SLC25A53: variants seen among roughly 807,000 people sequenced by gnomAD.
SLC25A53 encodes the protein solute carrier family 25 member 53.
Under a neutral mutation model 15.0 loss-of-function variants are expected in SLC25A53, and 5 were observed. The observed-to-expected ratio is 0.33, with a 90% confidence interval of 0.17 to 0.70. SLC25A53 has a LOEUF of 0.70. Ranked by LOEUF, SLC25A53 falls within the 30% of genes least tolerant of loss-of-function variation. The pLI is 0.67. For synonymous variants in SLC25A53, 95 were observed against 100.0 expected, an observed-to-expected ratio of 0.95 and a Z score of 0.30; for missense variants, 216 against 241.6, an observed-to-expected ratio of 0.89 and a Z score of 0.70.
intron 1 of SLC25A53, among the ~76,000 whole-genome samples, chrX:104,139,293 G>A (rs2075444805): frequency 8.9e-6 from 1 of 112,014 alleles, no homozygotes; most frequent in Non-Finnish European, 1.9e-5. Flanking sequence ...TGAGCCCAGT[G>A]AATCACTTGA....
chrX:104,127,918 C>G (rs1022221013), intron 1 of SLC25A53, among the ~76,000 whole-genome samples: 8 of 110,791 alleles, frequency 7.2e-5, no homozygotes, highest in African/African-American at 2.6e-4. Flanking sequence ...GAGCTGAGAT[C>G]ACGCCACTGC....
In SLC25A53 at chrX:104,121,876, TATATA is replaced by T. The variant is rs1454515564; in HGVS notation, c.-31-16593_-31-16589del. Among the ~76,000 whole-genome samples, 212 of 49,759 alleles carry T rather than the reference TATATA, an allele frequency of 4.3e-3. 66 individuals are homozygous for T. Among genetic ancestry groups the T allele is most frequent in the Admixed American group, 4.7e-3 (17 of 3,595 alleles). The allele number at this position is 49,759 out of a possible 115,157, so 43.2% of individuals were successfully genotyped here. A position where few individuals can be genotyped will look rare whatever the true frequency, so the allele number is the denominator to read the frequency against. ...CTAGACATCACATCAAATGGTATGA[TATATA>T]TATATATATATATATATATATATAT... is the stretch of plus-strand genomic sequence containing the variant. On this transcript the variant is annotated intron_variant, in intron 1 of 1. Coordinates refer to ENST00000594199, the MANE Select transcript of SLC25A53 (RefSeq NM_001012755.5).
rs782174950 is a variant in SLC25A53, at chrX:104,114,387, C to T, written c.-31-9099G>A. ...AGCGCTTGATGAAAACACTTAGGGG[C>T]CCTGCCCGGGAGGTCATGCGTTTGC... On this transcript the variant is annotated intron_variant, in intron 1 of 1. Transcript: ENST00000594199. 11 of 1,211,803 alleles carry T rather than the reference C, an allele frequency of 9.1e-6. No homozygotes were observed. The South Asian group carries it at 1.9e-4, about 21-fold the overall frequency.
chrX:104,128,775 C>T (rs1025976090), intron 1 of SLC25A53, among the ~76,000 whole-genome samples: 22 of 108,536 alleles, frequency 2.0e-4, no homozygotes, highest in African/African-American at 1.4e-4. Flanking sequence ...GACACACACA[C>T]GTACACACAC....
chrX:104,127,157 T>C (rs781902573), intron 1 of SLC25A53, among the ~76,000 whole-genome samples: 8 of 112,594 alleles, frequency 7.1e-5, no homozygotes, highest in East Asian at 2.8e-4. Context: ...CCCAAGGGAA[T>C]ACTACTCAGT....
intron 1 of SLC25A53, among the ~76,000 whole-genome samples, chrX:104,105,694 T>C (rs1446362942): frequency 8.9e-5 from 10 of 112,500 alleles, no homozygotes; most frequent in African/African-American, 3.2e-4. Context: ...CACTATCTTG[T>C]AGAGGCAGAA....
intron 1 of SLC25A53, among the ~76,000 whole-genome samples, chrX:104,117,509 A>G (rs1334088908): frequency 9.0e-6 from 1 of 110,560 alleles, no homozygotes; most frequent in Non-Finnish European, 1.9e-5. Context: ...AGCAGGAGTA[A>G]AGGTCCAAGA....
chrX:104,115,077 T>C (rs2075370937), intron 1 of SLC25A53: 2 of 1,199,637 alleles, frequency 1.7e-6, no homozygotes, highest in East Asian at 6.0e-5. Context: ...AGTCTCTTTC[T>C]ACCAGTGGTG....
chrX:104,124,502 A>G (rs991277275), intron 1 of SLC25A53, among the ~76,000 whole-genome samples: 5 of 111,403 alleles, frequency 4.5e-5, no homozygotes, highest in Non-Finnish European at 9.4e-5. Flanking sequence ...TAATCCCAAC[A>G]CTTTGGGAGG....
At chrX:104,152,456 T>A (rs2075487826) in intron 1 of SLC25A53, among the ~76,000 whole-genome samples, 1 of 110,136 alleles carries the variant, frequency 9.1e-6, no homozygotes, top group African/African-American at 3.3e-5. Flanking sequence ...ATGTGCCACA[T>A]TTTCTTGGTT....
At chrX:104,138,254 C>A (rs782137303) in intron 1 of SLC25A53, among the ~76,000 whole-genome samples, 1 of 110,082 alleles carries the variant, frequency 9.1e-6, no homozygotes, top group African/African-American at 3.3e-5. Context: ...AAAAAAAAAA[C>A]AAAATTTAGC....
chrX:104,128,777 TAC>T (rs781789903), intron 1 of SLC25A53, among the ~76,000 whole-genome samples: 4,035 of 106,130 alleles, frequency 0.038, 166 homozygotes, highest in African/African-American at 0.13. Flanking sequence ...CACACACACG[TAC>T]ACACACACAC....
At chrX:104,111,507 G>GA (rs1298035024) in intron 1 of SLC25A53, among the ~76,000 whole-genome samples, 14 of 110,746 alleles carry the variant, frequency 1.3e-4, no homozygotes, top group South Asian at 7.7e-4. Flanking sequence ...AAGAAGAAAA[G>GA]AAAAAAAGAT....
At chrX:104,156,394 C>T (rs1307607052) in intron 1 of SLC25A53, among the ~76,000 whole-genome samples, 1 of 111,344 alleles carries the variant, frequency 9.0e-6, no homozygotes, top group East Asian at 2.8e-4. Context: ...AGCCTAATTC[C>T]TTTCCTCATC....
chrX:104,124,655 G>A (rs782253321), intron 1 of SLC25A53, among the ~76,000 whole-genome samples: 1 of 109,374 alleles, frequency 9.1e-6, no homozygotes, highest in East Asian at 2.9e-4. Context: ...TTGGGGAGCT[G>A]AGGCAGGAGG....
chrX:104,156,529 G>A (rs1291220348), intron 1 of SLC25A53, among the ~76,000 whole-genome samples: 1 of 111,081 alleles, frequency 9.0e-6, no homozygotes, highest in Non-Finnish European at 1.9e-5. Context: ...AAATCATCCT[G>A]CTGAGATGTG....
intron 1 of SLC25A53, chrX:104,112,286 A>C (rs2075349921): frequency 8.9e-6 from 1 of 112,977 alleles, no homozygotes; most frequent in Non-Finnish European, 1.9e-5. Context: ...GATAGGGAGA[A>C]GGGAAGAGAT....
At chrX:104,146,240 T>C (rs868957290) in intron 1 of SLC25A53, among the ~76,000 whole-genome samples, 2 of 111,833 alleles carry the variant, frequency 1.8e-5, no homozygotes, top group African/African-American at 3.3e-5. Context: ...AAAAGGCCTT[T>C]AACAAAATTC....
At chrX:104,135,048 C>G (rs987313334) in intron 1 of SLC25A53, among the ~76,000 whole-genome samples, 1 of 111,171 alleles carries the variant, frequency 9.0e-6, no homozygotes, top group Non-Finnish European at 1.9e-5. Flanking sequence ...CTCTAAAGTA[C>G]TAACCACTCC....
Sources: gnomAD v4.1 joint callset for allele counts (sites outside exome capture counted in the v4.1 genomes callset) on GRCh38, gnomAD v4.1.1 for gene constraint, MANE v1.5 for transcripts, NCBI Gene and HGNC (gene_info 2026-07-23, HGNC 2026-07-21) for gene names.